The following XKR9 variants were observed in gnomAD, a reference collection of about 807,000 sequenced individuals.
The protein encoded by XKR9 is XK-related protein 9.
Under a neutral mutation model 32.0 loss-of-function variants are expected in XKR9, and 32 were observed. The ratio of observed to expected loss-of-function variants is 1.00; its 90% CI spans 0.76 to 1.34. The LOEUF is 1.34. Ranked by LOEUF, XKR9 falls within the 40% of genes most tolerant of loss-of-function variation. XKR9 has a pLI of 0.00. For synonymous variants in XKR9, 168 were observed against 143.4 expected, an observed-to-expected ratio of 1.17 and a Z score of -1.22; for missense variants, 546 against 429.7, an observed-to-expected ratio of 1.27 and a Z score of -2.39.
intron 2 of XKR9, among the ~76,000 whole-genome samples, chr8:70,746,774 T>C (rs1807065013): frequency 6.6e-6 from 1 of 152,010 alleles, no homozygotes; most frequent in South Asian, 2.1e-4. Flanking sequence ...GTGGGGCCTT[T>C]TTTTTTTCAG....
At chr8:70,814,057 C>T in the XKR9 span, among the ~76,000 whole-genome samples, 10 of 152,150 alleles carry the variant, frequency 6.6e-5, no homozygotes, top group Non-Finnish European at 1.0e-4. Flanking sequence ...TGTCCAACAA[C>T]AATAGTCTGG....
chr8:70,746,980 C>G lies in XKR9; in HGVS notation n.352+39827C>G, dbSNP rs193283187. Among the ~76,000 whole-genome samples, 18 of 152,228 alleles carry G rather than the reference C, an allele frequency of 1.2e-4. No homozygotes were observed. In the East Asian group the frequency reaches 3.5e-3, roughly 29 times the overall value. ...TCCCATCTCTGTGTCCATGTATACC[C>G]ATTGTTTAGCTCCCACTTATAAGTG... On this transcript the variant is annotated intron_variant and non_coding_transcript_variant, in intron 2 of 3. Transcript: ENST00000520273.
At chr8:70,719,329 T>G (rs1269911157) in intron 4 of XKR9, among the ~76,000 whole-genome samples, 1 of 152,194 alleles carries the variant, frequency 6.6e-6, no homozygotes, top group Admixed American at 6.5e-5. Context: ...TTTGTCAATT[T>G]TGGCTTTTGT....
At chr8:70,841,977 A>G in the XKR9 span, among the ~76,000 whole-genome samples, 1 of 152,304 alleles carries the variant, frequency 6.6e-6, no homozygotes, top group Non-Finnish European at 1.5e-5. Context: ...TTTAGCATCC[A>G]TTGATGTTTC....
the XKR9 span, among the ~76,000 whole-genome samples, chr8:70,953,306 A>T: frequency 1.3e-5 from 2 of 152,100 alleles, no homozygotes; most frequent in Non-Finnish European, 2.9e-5. Context: ...CATACATTAC[A>T]TTATTATTAT....
the XKR9 span, among the ~76,000 whole-genome samples, chr8:70,878,369 TAA>T: frequency 2.0e-5 from 3 of 152,096 alleles, no homozygotes; most frequent in East Asian, 5.8e-4. Context: ...CCAAATTGGA[TAA>T]AGAGTCAAGC....
chr8:70,707,171 C>G lies in XKR9; in HGVS notation c.493+18C>G. On this transcript the variant is annotated intron_variant, in intron 4 of 4. Coordinates refer to ENST00000408926, the MANE Select transcript of XKR9 (RefSeq NM_001011720.2). ...CAGTCAGTGTAAGTTTTTCTTAACTCCTTGTGTTAAATGGATGCCACTGAG... is the reference window on the plus strand; with the variant it reads ...CAGTCAGTGTAAGTTTTTCTTAACTGCTTGTGTTAAATGGATGCCACTGAG... 6.2e-7 allele frequency: 1 copy of G among 1,602,940 alleles called. No individual in the cohort carries two copies. The highest frequency in any genetic ancestry group is 8.5e-7 in the Non-Finnish European group (1 of 1,171,292).
intron 4 of XKR9, among the ~76,000 whole-genome samples, chr8:70,721,597 T>A (rs1806283658): frequency 6.6e-6 from 1 of 152,214 alleles, no homozygotes; most frequent in Non-Finnish European, 1.5e-5. Context: ...TCAGTTTCCA[T>A]GTAGTTTTGC....
intron 4 of XKR9, among the ~76,000 whole-genome samples, chr8:70,713,571 G>A (rs1359859428): frequency 6.6e-6 from 1 of 152,064 alleles, no homozygotes; most frequent in Non-Finnish European, 1.5e-5. Flanking sequence ...AAGAGCAAAG[G>A]AAGTAGTAAG....
At chr8:70,864,329 T>G in the XKR9 span, among the ~76,000 whole-genome samples, 1 of 152,212 alleles carries the variant, frequency 6.6e-6, no homozygotes, top group African/African-American at 2.4e-5. Flanking sequence ...TTAAGAATCC[T>G]GTTAGCCTTT....
the XKR9 span, among the ~76,000 whole-genome samples, chr8:71,063,621 G>T: frequency 6.6e-6 from 1 of 151,982 alleles, no homozygotes; most frequent in Non-Finnish European, 1.5e-5. Context: ...AAAGGGGAAG[G>T]TTTTTAACCT....
chr8:70,703,203 G>A (rs755913959), intron 3 of XKR9, among the ~76,000 whole-genome samples: 24 of 150,856 alleles, frequency 1.6e-4, no homozygotes, highest in Admixed American at 1.5e-3. Flanking sequence ...CTTCTAGGAT[G>A]TCAATTTTAC....
chr8:71,056,639 C>T, the XKR9 span, among the ~76,000 whole-genome samples: 1 of 152,098 alleles, frequency 6.6e-6, no homozygotes, highest in Admixed American at 6.5e-5. Flanking sequence ...CAGTACTTAA[C>T]TCATGAAATA....
intron 2 of XKR9, among the ~76,000 whole-genome samples, chr8:70,760,552 G>T (rs894587562): frequency 6.6e-6 from 1 of 152,040 alleles, no homozygotes; most frequent in Admixed American, 6.6e-5. Flanking sequence ...TGTTTCCCAG[G>T]CTAGCATCAA....
chr8:70,828,097 G>A, the XKR9 span, among the ~76,000 whole-genome samples: 2 of 152,190 alleles, frequency 1.3e-5, no homozygotes, highest in East Asian at 3.9e-4. Flanking sequence ...TAAGATGGGA[G>A]CAACTGACTG....
the XKR9 span, among the ~76,000 whole-genome samples, chr8:70,831,783 A>AT: frequency 2.6e-5 from 4 of 152,198 alleles, no homozygotes; most frequent in South Asian, 2.1e-4. Flanking sequence ...TATCTTATTC[A>AT]TTTTTTTGGT....
the XKR9 span, among the ~76,000 whole-genome samples, chr8:71,038,241 CTT>C: frequency 6.6e-6 from 1 of 151,406 alleles, no homozygotes; most frequent in African/African-American, 2.4e-5. Context: ...TTCTCTTTTT[CTT>C]TCTTTCTCTT....
intron 2 of XKR9, among the ~76,000 whole-genome samples, chr8:70,773,376 A>G (rs1354343092): frequency 6.6e-6 from 1 of 152,210 alleles, no homozygotes; most frequent in Non-Finnish European, 1.5e-5. Flanking sequence ...GCTAATTTGA[A>G]TACAATCTAC....
chr8:70,812,879 A>T, the XKR9 span, among the ~76,000 whole-genome samples: 2 of 152,356 alleles, frequency 1.3e-5, no homozygotes, highest in South Asian at 4.1e-4. Context: ...AAGGTAATTT[A>T]TAGATTCAAT....
Sources: allele counts gnomAD v4.1 joint callset (sites outside exome capture counted in the v4.1 genomes callset), GRCh38; gene constraint gnomAD v4.1.1; transcripts MANE v1.5; gene names NCBI Gene and HGNC (gene_info 2026-07-23, HGNC 2026-07-21).